Variants in BMP7 observed in about 807,000 individuals in gnomAD.
BMP7 encodes the protein bone morphogenetic protein 7.
Under a neutral mutation model 41.2 loss-of-function variants are expected in BMP7, and 12 were observed. The ratio of observed to expected loss-of-function variants is 0.29; its 90% CI spans 0.19 to 0.47. The LOEUF (loss-of-function observed/expected upper bound fraction) is 0.47, where lower values mean the gene tolerates loss of function less well. Ranked by LOEUF, BMP7 falls within the 20% of genes least tolerant of loss-of-function variation. The pLI is 0.99. For missense variants in BMP7, 467 were observed against 606.0 expected, an observed-to-expected ratio of 0.77 and a Z score of 2.41; for synonymous variants, 248 against 250.0, an observed-to-expected ratio of 0.99 and a Z score of 0.07.
At chr20:57,197,701 G>T (rs139051572) in intron 3 of BMP7, among the ~76,000 whole-genome samples, 1 of 152,342 alleles carries the variant, frequency 6.6e-6, no homozygotes, top group Non-Finnish European at 1.5e-5. Context: ...CATGAGCACA[G>T]ACAGGGTGCT....
At chr20:57,265,684 C>G in intron 1 of BMP7, 21 bp downstream of exon 1, 1 of 1,588,254 alleles carries the variant, frequency 6.3e-7, no homozygotes, top group African/African-American at 1.3e-5. Context: ...GAGACGCGTA[C>G]CCTCGCCTGC....
intron 3 of BMP7, among the ~76,000 whole-genome samples, chr20:57,196,895 A>G (rs1410124227): frequency 1.3e-5 from 2 of 151,842 alleles, no homozygotes; most frequent in Non-Finnish European, 2.9e-5. Flanking sequence ...CATAAAACAT[A>G]CTTTTTAATT....
intron 1 of BMP7, among the ~76,000 whole-genome samples, chr20:57,255,559 G>T (rs1568731317): frequency 3.9e-5 from 6 of 152,104 alleles, no homozygotes; most frequent in Admixed American, 3.3e-4. Context: ...TAACACCTTG[G>T]GAGGCTGAGG....
intron 4 of BMP7, among the ~76,000 whole-genome samples, chr20:57,179,974 G>A (rs1433586157): frequency 6.6e-6 from 1 of 152,118 alleles, no homozygotes; most frequent in African/African-American, 2.4e-5. Context: ...TTCTAAGCCC[G>A]CGATGCCTAG....
intron 2 of BMP7, chr20:57,225,725 T>G: frequency 3.6e-6 from 1 of 275,078 alleles, no homozygotes; most frequent in Non-Finnish European, 7.9e-6. Flanking sequence ...AATTTAACCA[T>G]TTAACTTCTG....
rs551927253 is a variant in BMP7 at position 57,238,270 on chromosome 20, G to A, written c.419-9849C>T. ...AACAAAATGTCTTCAAGTTTCATCCGTGCTGTAGCCTGTCAGAATGTCCTT... is the reference window on the plus strand; with the variant it reads ...AACAAAATGTCTTCAAGTTTCATCCATGCTGTAGCCTGTCAGAATGTCCTT... On this transcript the variant is annotated intron_variant, in intron 1 of 6. Transcript: ENST00000395863. Among the ~76,000 whole-genome samples, 329 of 152,274 alleles carry A rather than the reference G, an allele frequency of 2.2e-3. 1 individual carries two copies. The highest frequency in any genetic ancestry group is 3.4e-3 in the Middle Eastern group (1 of 294).
intron 1 of BMP7, among the ~76,000 whole-genome samples, chr20:57,256,247 G>A (rs2066133943): frequency 6.6e-6 from 1 of 152,320 alleles, no homozygotes. Context: ...AATCATGGGA[G>A]TTCACTAGCT....
chr20:57,208,189 A>G (rs1192455838), intron 2 of BMP7, among the ~76,000 whole-genome samples: 1 of 152,162 alleles, frequency 6.6e-6, no homozygotes, highest in Admixed American at 6.6e-5. Flanking sequence ...TTTCTTATAT[A>G]ATTTGATCAA....
At chr20:57,218,658 G>A (rs1181470790) in intron 2 of BMP7, among the ~76,000 whole-genome samples, 1 of 151,902 alleles carries the variant, frequency 6.6e-6, no homozygotes, top group African/African-American at 2.4e-5. Flanking sequence ...TTTGTTCGGT[G>A]GTAGCTGGTG....
chr20:57,248,803 GTTTTGTTTTT>G (rs1390670361), intron 1 of BMP7, among the ~76,000 whole-genome samples: 3 of 130,632 alleles, frequency 2.3e-5, no homozygotes, highest in Non-Finnish European at 3.5e-5. Flanking sequence ...GTTTTGTTTT[GTTTTGTTTTT>G]TTTGAGACAG....
At chr20:57,179,310 C>G (rs1236850625) in intron 4 of BMP7, among the ~76,000 whole-genome samples, 1 of 152,254 alleles carries the variant, frequency 6.6e-6, no homozygotes, top group Non-Finnish European at 1.5e-5. Context: ...GGAGACAGCC[C>G]TGACGCCAGC....
At chr20:57,248,641 C>G (rs193091289) in intron 1 of BMP7, among the ~76,000 whole-genome samples, 16 of 152,270 alleles carry the variant, frequency 1.1e-4, no homozygotes, top group Admixed American at 2.0e-4. Flanking sequence ...CTCATGGATG[C>G]TTGGACAGTA....
rs1983776579 is a variant in BMP7, at chr20:57,169,900, G to A, written c.*1059C>T. 1 of 152,294 alleles carries A rather than the reference G, an allele frequency of 6.6e-6. No individual in the cohort carries two copies. Among genetic ancestry groups the A allele is most frequent in the Admixed American group, 6.5e-5 (1 of 15,284 alleles). The allele number at this position is 152,294 out of a possible 1,614,324, so 9.4% of individuals were successfully genotyped here. ...GCCTCCAGAGTAGCTGGGATTACAGGTGCGTGCCACCATGCCCGGCTAATT... is the reference window on the plus strand; with the variant it reads ...GCCTCCAGAGTAGCTGGGATTACAGATGCGTGCCACCATGCCCGGCTAATT... On this transcript the variant is annotated 3_prime_UTR_variant, in exon 7 of 7. Transcript: ENST00000395863.
chr20:57,219,145 G>A (rs1426974349), intron 2 of BMP7, among the ~76,000 whole-genome samples: 1 of 119,046 alleles, frequency 8.4e-6, no homozygotes, highest in Admixed American at 7.7e-5. Flanking sequence ...TTCGGTGGTA[G>A]CTGGTGTTCA....
chr20:57,195,930 C>A (rs1268171371), intron 3 of BMP7, among the ~76,000 whole-genome samples: 3 of 152,242 alleles, frequency 2.0e-5, no homozygotes, highest in Non-Finnish European at 2.9e-5. Flanking sequence ...TGCCCTATGA[C>A]CTTGGAGCTC....
At chr20:57,227,074 G>A (rs1266890555) in intron 2 of BMP7, among the ~76,000 whole-genome samples, 3 of 152,122 alleles carry the variant, frequency 2.0e-5, no homozygotes, top group Admixed American at 1.3e-4. Flanking sequence ...TGATCCACCT[G>A]CCTTGGCCTT....
intron 5 of BMP7, 130 bp from the exon 6 acceptor site, chr20:57,173,440 G>A (rs1165834870): frequency 1.1e-6 from 1 of 872,352 alleles, no homozygotes; most frequent in East Asian, 2.6e-5. Flanking sequence ...CATGCCTTCT[G>A]AGCAGCAGGG....
At chr20:57,223,554 C>G (rs1200700663) in intron 2 of BMP7, among the ~76,000 whole-genome samples, 1 of 152,190 alleles carries the variant, frequency 6.6e-6, no homozygotes, top group African/African-American at 2.4e-5. Context: ...AATCTAAGAG[C>G]CTGGGTTTGA....
intron 3 of BMP7, among the ~76,000 whole-genome samples, chr20:57,187,757 C>A (rs1177404785): frequency 1.3e-5 from 2 of 152,150 alleles, no homozygotes; most frequent in Non-Finnish European, 2.9e-5. Context: ...CGCATTCTCA[C>A]CCCAGCCACT....
Sources: gnomAD v4.1 joint callset for allele counts (sites outside exome capture counted in the v4.1 genomes callset) on GRCh38, gnomAD v4.1.1 for gene constraint, MANE v1.5 for transcripts, NCBI Gene and HGNC (gene_info 2026-07-23, HGNC 2026-07-21) for gene names.